The following SCN11A variants were observed in gnomAD, a reference collection of about 807,000 sequenced individuals.
The protein encoded by SCN11A is sodium voltage-gated channel alpha subunit 11.
A neutral mutation model predicts 162.2 loss-of-function variants in SCN11A; 122 were observed. The ratio of observed to expected loss-of-function variants is 0.75; its 90% confidence interval spans 0.65 to 0.87. The LOEUF is 0.87. Ranked by LOEUF, SCN11A falls within the 40% of genes least tolerant of loss-of-function variation. The pLI is 0.00. For missense variants in SCN11A, 2,015 were observed against 2,181.6 expected, an observed-to-expected ratio of 0.92 and a Z score of 1.52; for synonymous variants, 758 against 751.5, an observed-to-expected ratio of 1.01 and a Z score of -0.14.
rs1309182958 is a variant in SCN11A, at chr3:39,032,472, G to T, written c.-372C>A. On this transcript the variant is annotated 5_prime_UTR_variant, in exon 2 of 30. Coordinates refer to ENST00000302328, the MANE Select transcript of SCN11A (RefSeq NM_001349253.2). ...TGTGTTCAGCAAATGGATTGAACAT[G>T]GAGCCAAAAACATGCGAAGCACTGG... 1.3e-5 allele frequency among the ~76,000 whole-genome samples: 2 copies of T among 152,106 alleles called. No homozygotes were observed. Among genetic ancestry groups the T allele is most frequent in the Non-Finnish European group, 2.9e-5 (2 of 68,014 alleles).
intron 11 of SCN11A, among the ~76,000 whole-genome samples, chr3:38,916,499 T>C (rs1254705058): frequency 6.6e-6 from 1 of 152,192 alleles, no homozygotes; most frequent in African/African-American, 2.4e-5. Flanking sequence ...TTAAAATATG[T>C]CTAATCTGCC....
chr3:38,863,586 T>C (rs1025638449), intron 27 of SCN11A, among the ~76,000 whole-genome samples: 1 of 152,142 alleles, frequency 6.6e-6, no homozygotes, highest in African/African-American at 2.4e-5. Flanking sequence ...AAAAATTTGA[T>C]ATATTTCAGC....
intron 2 of SCN11A, among the ~76,000 whole-genome samples, chr3:39,031,080 C>T (rs181280752): frequency 6.0e-5 from 9 of 149,936 alleles, no homozygotes; most frequent in South Asian, 4.2e-4. Context: ...AATATTGGGA[C>T]GTAAAATATA....
intron 24 of SCN11A, 120 bp downstream of exon 24, chr3:38,872,073 G>T: frequency 1.4e-6 from 1 of 727,192 alleles, no homozygotes; most frequent in Non-Finnish European, 2.5e-6. Flanking sequence ...CACTGGGCAG[G>T]CTGGGAAGTA....
At chr3:38,878,965 G>A (rs1368800390) in intron 23 of SCN11A, among the ~76,000 whole-genome samples, 6 of 152,094 alleles carry the variant, frequency 3.9e-5, no homozygotes, top group Non-Finnish European at 8.8e-5. Flanking sequence ...GCCCTGGAGT[G>A]AGACTTACTA....
At position 38,846,883 on chromosome 3, in the gene SCN11A, C is replaced by T; in HGVS notation, c.5187G>A (p.Lys1729=). ...KLYEPIVTTT[K]RKEEERGAAI... ...CAGCACCTCTTTCCTCTTCCTTTCT[C>T]TTGGTGGTGGTGACTATGGGTTCAT... The change falls in exon 30 of 30, where the codon AAG becomes AAA. Residue 1729 remains lysine (K), a synonymous_variant. Coordinates refer to ENST00000302328, the MANE Select transcript of SCN11A (RefSeq NM_001349253.2). 6.2e-7 allele frequency: 1 copy of T among 1,614,110 alleles called. No individual in the cohort carries two copies. Among genetic ancestry groups the T allele is most frequent in the Non-Finnish European group, 8.5e-7 (1 of 1,180,022 alleles).
At chr3:38,909,668 C>T (rs1428351972) in intron 12 of SCN11A, among the ~76,000 whole-genome samples, 3 of 149,018 alleles carry the variant, frequency 2.0e-5, no homozygotes, top group East Asian at 2.0e-4. Context: ...TTGCAACCTC[C>T]GCCTCCTAGG....
chr3:39,037,124 G>A (rs560926893), intron 1 of SCN11A, among the ~76,000 whole-genome samples: 3 of 152,304 alleles, frequency 2.0e-5, no homozygotes, highest in South Asian at 2.1e-4. Flanking sequence ...ACGTGTATAC[G>A]ATAGAGTACT....
chr3:39,044,910 CTAGAG>C (rs952583706), intron 1 of SCN11A, among the ~76,000 whole-genome samples: 6 of 149,344 alleles, frequency 4.0e-5, no homozygotes, highest in African/African-American at 9.7e-5. Flanking sequence ...AAACCACTAG[CTAGAG>C]TAATTTTAAA....
intron 2 of SCN11A, among the ~76,000 whole-genome samples, chr3:38,966,979 TGAGGAATG>T (rs1164254436): frequency 6.6e-6 from 1 of 152,130 alleles, no homozygotes; most frequent in Non-Finnish European, 1.5e-5. Flanking sequence ...ATTGAAGGAA[TGAGGAATG>T]GAAAGCTGAG....
At chr3:38,919,898 A>G in intron 11 of SCN11A, 37 bp downstream of exon 11, 1 of 1,485,874 alleles carries the variant, frequency 6.7e-7, no homozygotes, top group East Asian at 2.3e-5. Context: ...GTCTAGAGGT[A>G]CTCTTCTTGG....
chr3:39,010,106 C>A (rs1488929201), intron 2 of SCN11A, among the ~76,000 whole-genome samples: 1 of 152,060 alleles, frequency 6.6e-6, no homozygotes, highest in Non-Finnish European at 1.5e-5. Context: ...GAGCTAAATT[C>A]TCATCTTCCA....
At chr3:38,952,338 A>G (rs1489469283) in intron 4 of SCN11A, among the ~76,000 whole-genome samples, 3 of 152,216 alleles carry the variant, frequency 2.0e-5, no homozygotes, top group Non-Finnish European at 4.4e-5. Context: ...AAGCAGTAGT[A>G]TTCAGGTTGA....
At chr3:39,020,247 CTTT>C (rs2125606631) in intron 2 of SCN11A, among the ~76,000 whole-genome samples, 1 of 152,290 alleles carries the variant, frequency 6.6e-6, no homozygotes, top group African/African-American at 2.4e-5. Flanking sequence ...TTATAGATTT[CTTT>C]GTGGTCAAAT....
Position 38,876,779 on chromosome 3 carries a change from G to T in SCN11A, c.3393+3171C>A, listed in dbSNP as rs768817771. Among the ~76,000 whole-genome samples, 200 of 152,124 alleles carry T rather than the reference G, an allele frequency of 1.3e-3. 1 individual carries two copies. The highest frequency in any genetic ancestry group is 2.1e-3 in the Non-Finnish European group (143 of 67,996). ...GAATGTAAACTAGTACAACCACTAT[G>T]GAAAACAATGTGGAGATTCCTTAAA... On this transcript the variant is annotated intron_variant, in intron 23 of 29. Coordinates refer to ENST00000302328, the MANE Select transcript of SCN11A (RefSeq NM_001349253.2).
rs6599267 is a variant in SCN11A, at chr3:38,907,872, A to C, written c.1473+77T>G. 0.89 allele frequency: 1,102,988 copies of C among 1,242,416 alleles called. 490,105 individuals carry two copies. The highest frequency in any genetic ancestry group is 0.91 in the African/African-American group (60,081 of 65,768). 77.0% of individuals were successfully genotyped at this position (1,242,416 alleles called of 1,614,324 possible). A position where few individuals can be genotyped will look rare whatever the true frequency, so the allele number is the denominator to read the frequency against. On this transcript the variant is annotated intron_variant, in intron 14 of 29. Coordinates refer to ENST00000302328, the MANE Select transcript of SCN11A (RefSeq NM_001349253.2). ...AAATGAGTAACTGAATAAATGAATT[A>C]TTTCAATTTGATTGGCAATTGGACC... is the stretch of plus-strand genomic sequence containing the variant.
At chr3:39,020,429 C>G (rs550659789) in intron 2 of SCN11A, among the ~76,000 whole-genome samples, 45 of 151,660 alleles carry the variant, frequency 3.0e-4, no homozygotes, top group African/African-American at 1.0e-3. Flanking sequence ...CCCTCAAGAA[C>G]CTGTACATTT....
At chr3:39,020,166 A>G (rs2031410622) in intron 2 of SCN11A, among the ~76,000 whole-genome samples, 1 of 152,230 alleles carries the variant, frequency 6.6e-6, no homozygotes, top group African/African-American at 2.4e-5. Context: ...TAAAGATAAT[A>G]AGTATCTGGG....
rs1193331403 is a variant in SCN11A, at chr3:38,847,181, C to G, written c.4889G>C (p.Trp1630Ser). The G allele has an allele frequency of 6.2e-7, 1 of 1,614,042 alleles. No individual in the cohort carries two copies. The highest frequency in any genetic ancestry group is 1.3e-5 in the African/African-American group (1 of 74,948). Residue 1630 changes from tryptophan (W) to serine (S), a missense_variant, in exon 30 of 30, where the codon TGG becomes TCG. By Grantham distance (177) the Trp-to-Ser change is radical. Transcript: ENST00000302328. The part of the protein sequence containing the change: ...EDDFDIFYEV[W>S]EKFDPEATQF... ...TGTTGCTTCTGGGTCAAACTTTTCC[C>G]ACACTTCATAAAATATGTCAAAGTC... is the stretch of plus-strand genomic sequence containing the variant.
Sources: allele counts gnomAD v4.1 joint callset (sites outside exome capture counted in the v4.1 genomes callset), GRCh38; gene constraint gnomAD v4.1.1; transcripts MANE v1.5; gene names NCBI Gene and HGNC (gene_info 2026-07-23, HGNC 2026-07-21).